Variants in SLC35E2B observed in about 807,000 individuals in gnomAD.
SLC35E2B encodes solute carrier family 35, member E2B.
In SLC35E2B, 18 loss-of-function variants were observed where a neutral mutation model predicts 32.4. The observed-to-expected ratio is 0.56, with a 90% CI of 0.38 to 0.82. The LOEUF is 0.82. Ranked by LOEUF, SLC35E2B falls within the 40% of genes least tolerant of loss-of-function variation. The probability of loss-of-function intolerance (pLI) is 0.00; values close to 1 mark genes in which losing one functional copy is unlikely to be tolerated. For synonymous variants in SLC35E2B, 132 were observed against 209.1 expected, an observed-to-expected ratio of 0.63 and a Z score of 3.18; for missense variants, 263 against 469.5, an observed-to-expected ratio of 0.56 and a Z score of 4.06.
chr1:1,667,020 A>G (rs1557750138), intron 9 of SLC35E2B, among the ~76,000 whole-genome samples: 3 of 14,104 alleles, frequency 2.1e-4, no homozygotes, highest in East Asian at 4.8e-4. Context: ...CAGGAGAATC[A>G]CTTCAACCCG....
chr1:1,671,773 G>T, intron 5 of SLC35E2B, 144 bp from the exon 6 acceptor site: 1 of 951,724 alleles, frequency 1.1e-6, no homozygotes, highest in Non-Finnish European at 1.5e-6. Flanking sequence ...TCTTCACATT[G>T]TGAGATAAAG....
intron 5 of SLC35E2B, chr1:1,671,973 A>T (rs941273669): frequency 5.2e-6 from 1 of 192,610 alleles, no homozygotes; most frequent in African/African-American, 2.3e-5. Flanking sequence ...AGGGAACTGC[A>T]GAGAAAGAGG....
In SLC35E2B at chr1:1,662,416, C is replaced by G. The variant is rs1643428500; in HGVS notation, c.*3366G>C. 1 of 873,686 alleles carries G rather than the reference C, an allele frequency of 1.1e-6. No homozygotes were observed. The highest frequency in any genetic ancestry group is 2.1e-5 in the African/African-American group (1 of 46,862). 54.1% of individuals were successfully genotyped at this position (873,686 alleles called of 1,614,324 possible). On this transcript the variant is annotated 3_prime_UTR_variant, in exon 10 of 10. Coordinates refer to ENST00000617444, the MANE Select transcript of SLC35E2B (RefSeq NM_001290264.2). ...TGGCCTGTTATTCCCACTGACCCGT[C>G]TGAGTGATCACCCAGGAGCGCGGCG...
In SLC35E2B at chr1:1,675,532, C is replaced by T; in HGVS notation, c.517G>A (p.Glu173Lys). The T allele has an allele frequency of 6.4e-7, 1 of 1,565,614 alleles. No individual in the cohort carries two copies. Among genetic ancestry groups the T allele is most frequent in the East Asian group, 2.3e-5 (1 of 43,786 alleles). Reference protein sequence around the residue: ...SLKNVAVSFAETVKSSAPIFT... With the variant: ...SLKNVAVSFAKTVKSSAPIFT... ...ATGGGGGCGGAGCTCTTCACCGTCTCAGCAAACGAAACCGCCACATTTTTC... is the reference window on the plus strand; with the variant it reads ...ATGGGGGCGGAGCTCTTCACCGTCTTAGCAAACGAAACCGCCACATTTTTC... The change falls in exon 5 of 10, where the codon GAG (glutamate) becomes AAG (lysine). Residue 173 changes from glutamate to lysine, a missense_variant. Around this residue, in one of 7 missense-constraint regions of SLC35E2B, gnomAD observed 129 missense variants for 164.5 expected, o/e 0.78. Coordinates refer to ENST00000617444, the MANE Select transcript of SLC35E2B (RefSeq NM_001290264.2).
intron 2 of SLC35E2B, among the ~76,000 whole-genome samples, chr1:1,688,471 G>A (rs1017624562): frequency 2.9e-4 from 44 of 151,564 alleles, no homozygotes; most frequent in Admixed American, 1.0e-3. Flanking sequence ...ATGATGGCGC[G>A]TGCCTGTAAT....
chr1:1,689,611 C>A (rs954177679), intron 2 of SLC35E2B, among the ~76,000 whole-genome samples: 1 of 151,466 alleles, frequency 6.6e-6, no homozygotes, highest in Non-Finnish European at 1.5e-5. Context: ...TTTCTCTAAC[C>A]AAACCCCAAA....
At chr1:1,683,331 T>C (rs1335481249) in intron 2 of SLC35E2B, among the ~76,000 whole-genome samples, 1 of 152,166 alleles carries the variant, frequency 6.6e-6, no homozygotes, top group Non-Finnish European at 1.5e-5. Context: ...CTGGTCAGCC[T>C]GTGGGCCGTG....
rs1432945000 is a variant in SLC35E2B at position 1,666,022 on chromosome 1, G to A, written c.981-3C>T. The A allele has an allele frequency of 6.5e-7, 1 of 1,549,398 alleles. No homozygotes were observed. Among genetic ancestry groups the A allele is most frequent in the Admixed American group, 2.0e-5 (1 of 50,974 alleles). ...CATGTTTCACGGTGCTGGCGACGCT[G>A]CGGAGGCAAGGGGAGGCAGCAGGGG... On this transcript the variant is annotated splice_polypyrimidine_tract_variant and splice_region_variant and intron_variant, in intron 9 of 9. Coordinates refer to ENST00000617444, the MANE Select transcript of SLC35E2B (RefSeq NM_001290264.2).
chr1:1,671,617 T>G lies in SLC35E2B; in HGVS notation c.599A>C (p.Asn200Thr), dbSNP rs781032424. 1.2e-4 allele frequency: 189 copies of G among 1,542,792 alleles called. No homozygotes were observed. The highest frequency in any genetic ancestry group is 1.5e-4 in the Non-Finnish European group (177 of 1,143,030). The change falls in exon 6 of 10, where the codon AAC becomes ACC. Residue 200 changes from asparagine to threonine, a missense_variant. This residue lies in a region of SLC35E2B where 129 missense variants were observed against 164.5 expected (regional missense o/e 0.78). Coordinates refer to ENST00000617444, the MANE Select transcript of SLC35E2B (RefSeq NM_001290264.2). ...GCCCATGACTGGGATGAGGGAGAGG[T>G]TGACCAGCAGCCCTGGCGAGAGGAC... is the stretch of plus-strand genomic sequence containing the variant. ...ILGEYTGLLV[N>T]LSLIPVMGGL...
chr1:1,667,214 G>C (rs544490508), intron 9 of SLC35E2B, among the ~76,000 whole-genome samples: 1 of 148,772 alleles, frequency 6.7e-6, no homozygotes, highest in South Asian at 2.1e-4. Context: ...AGACCATCCT[G>C]GCTAACACGG....
chr1:1,670,247 A>G (rs1570316261), intron 6 of SLC35E2B, 96 bp from the exon 7 acceptor site: 1 of 899,594 alleles, frequency 1.1e-6, no homozygotes, highest in South Asian at 1.4e-5. Context: ...CGATGGCGAC[A>G]ATGACCAGAC....
At chr1:1,673,475 A>G (rs937273705) in intron 5 of SLC35E2B, 37 of 258,036 alleles carry the variant, frequency 1.4e-4, no homozygotes, top group East Asian at 9.8e-4. Context: ...CAAGACCAGC[A>G]TGGCCAACAT....
intron 8 of SLC35E2B, among the ~76,000 whole-genome samples, chr1:1,669,361 A>G (rs1483155013): frequency 6.6e-6 from 1 of 152,118 alleles, no homozygotes; most frequent in Non-Finnish European, 1.5e-5. Context: ...TCTTTATAAA[A>G]ATAAAAAAAA....
chr1:1,665,962 G>A lies in SLC35E2B; in HGVS notation c.1038C>T (p.Gly346=), dbSNP rs979663816. The change falls in exon 10 of 10, where the codon GGC becomes GGT. Residue 346 remains glycine (G), a synonymous_variant. Transcript: ENST00000617444. ...LSIWLSVIVF[G]NKITSLSAVG... ...CGGCCGACAAGCTGGTGATCTTGTT[G>A]CCGAAAACGATTACGCTGAGCCAGA... 3.2e-6 allele frequency: 5 copies of A among 1,551,446 alleles called. No individual in the cohort carries two copies. The highest frequency in any genetic ancestry group is 3.9e-5 in the Admixed American group (2 of 50,982).
At chr1:1,689,610 C>G (rs1299947348) in intron 2 of SLC35E2B, among the ~76,000 whole-genome samples, 1 of 151,470 alleles carries the variant, frequency 6.6e-6, no homozygotes, top group East Asian at 1.9e-4. Context: ...ATTTCTCTAA[C>G]CAAACCCCAA....
chr1:1,670,164 A>G lies in SLC35E2B; in HGVS notation c.708-13T>C, dbSNP rs1643649811. 6.5e-7 allele frequency: 1 copy of G among 1,546,590 alleles called. No individual in the cohort carries two copies. The highest frequency in any genetic ancestry group is 8.8e-7 in the Non-Finnish European group (1 of 1,142,196). ...AACATTTTGCAAACTAGAATAAAGA[A>G]AAGAGGTTATGCATCAATACTAGTC... On this transcript the variant is annotated splice_polypyrimidine_tract_variant and intron_variant, in intron 6 of 9. Transcript: ENST00000617444.
chr1:1,662,557 C>T lies in SLC35E2B; in HGVS notation c.*3225G>A, dbSNP rs1408604089. The T allele has an allele frequency of 2.4e-6, 2 of 829,514 alleles. No homozygotes were observed. Among genetic ancestry groups the T allele is most frequent in the Non-Finnish European group, 2.9e-6 (2 of 687,652 alleles). 51.4% of individuals were successfully genotyped at this position (829,514 alleles called of 1,614,324 possible). On this transcript the variant is annotated 3_prime_UTR_variant, in exon 10 of 10. Transcript: ENST00000617444. ...CTGTTTAAAATGACTGTCTGACTCA[C>T]CATGGTAATTTTTCACAAATTAAAG...
chr1:1,668,347 T>A lies in SLC35E2B; in HGVS notation c.960A>T (p.Lys320Asn), dbSNP rs892464780. The A allele has an allele frequency of 3.1e-6, 5 of 1,608,766 alleles. 1 individual carries two copies. In the African/African-American group the frequency reaches 5.4e-5, roughly 17 times the overall value. The change falls in exon 9 of 10, where the codon AAA becomes AAT. Residue 320 changes from lysine (K) to asparagine (N), a missense_variant. This residue lies in a region of SLC35E2B where 38 missense variants were observed against 56.9 expected (regional missense o/e 0.67). Transcript: ENST00000617444. ...QSVTAYALMGKISPVTFSVAS... is the reference protein window; with the variant it reads ...QSVTAYALMGNISPVTFSVAS... The stretch of plus-strand genomic sequence containing the variant: ...CTCACCTGAAAGTCACCGGGGAGAT[T>A]TTCCCCATGAGGGCGTACGCCGTGA...
chr1:1,680,650 C>A (rs962445794), intron 2 of SLC35E2B, among the ~76,000 whole-genome samples: 6 of 152,086 alleles, frequency 3.9e-5, no homozygotes, highest in African/African-American at 1.4e-4. Context: ...GGTCTCCATT[C>A]CCCTCCCAAT....
Sources: gnomAD v4.1 joint callset for allele counts (sites outside exome capture counted in the v4.1 genomes callset) on GRCh38, gnomAD v4.1.1 for gene constraint, gnomAD v4.1.1 regional missense constraint, MANE v1.5 for transcripts, NCBI Gene and HGNC (gene_info 2026-07-23, HGNC 2026-07-21) for gene names.